The following DEPDC4 variants were observed in gnomAD, a reference collection of about 807,000 sequenced individuals.
The protein encoded by DEPDC4 is DEP domain-containing protein 4.
Under a neutral mutation model 52.0 loss-of-function variants are expected in DEPDC4, and 52 were observed. The observed-to-expected ratio is 1.00, with a 90% CI of 0.80 to 1.26. DEPDC4 has a LOEUF of 1.26. DEPDC4 is among the 50% of genes most tolerant of loss of function. The pLI, the probability that DEPDC4 is intolerant of heterozygous loss-of-function variation, is 0.00. For missense variants in DEPDC4, 530 were observed against 546.9 expected, an observed-to-expected ratio of 0.97 and a Z score of 0.31; for synonymous variants, 201 against 196.8, an observed-to-expected ratio of 1.02 and a Z score of -0.18.
chr12:100,241,876 A>T, intron 9 of DEPDC4, 31 bp from the exon 10 acceptor site: 1 of 1,185,964 alleles, frequency 8.4e-7, no homozygotes, highest in South Asian at 1.6e-5. Context: ...CAAAAGAAAA[A>T]GAAAAGTACC....
chr12:100,269,987 C>CTTT (rs548843835), upstream of DEPDC4, among the ~76,000 whole-genome samples: 1 of 143,000 alleles, frequency 7.0e-6, no homozygotes, highest in African/African-American at 2.6e-5. Flanking sequence ...AGATTTTATA[C>CTTT]TTTTTTTTTT....
At chr12:100,245,562 G>A (rs1402311167) in intron 8 of DEPDC4, among the ~76,000 whole-genome samples, 4 of 152,298 alleles carry the variant, frequency 2.6e-5, no homozygotes, top group African/African-American at 4.8e-5. Flanking sequence ...ACTGCATCCC[G>A]CCGAGTCACT....
chr12:100,267,206 C>A (rs982423364), upstream of DEPDC4: 9 of 987,774 alleles, frequency 9.1e-6, no homozygotes, highest in Admixed American at 2.7e-5. Flanking sequence ...TACTCTTCGT[C>A]CCCGGTCCCT....
At chr12:100,243,513 A>G (rs2096169306) in intron 8 of DEPDC4, among the ~76,000 whole-genome samples, 1 of 152,092 alleles carries the variant, frequency 6.6e-6, no homozygotes, top group African/African-American at 2.4e-5. Context: ...GGCACTACAC[A>G]TTTATTTACA....
chr12:100,272,043 C>G (rs2096288221), upstream of DEPDC4, among the ~76,000 whole-genome samples: 1 of 152,116 alleles, frequency 6.6e-6, no homozygotes, highest in Admixed American at 6.5e-5. Context: ...ACAACAGATT[C>G]ACATGCTGGT....
chr12:100,274,170 A>T, the DEPDC4 span, among the ~76,000 whole-genome samples: 3 of 152,230 alleles, frequency 2.0e-5, no homozygotes, highest in Non-Finnish European at 4.4e-5. Flanking sequence ...TTATATTTAC[A>T]TAAGTATAAT....
rs978163994 is a variant in DEPDC4, at chr12:100,241,188, T to G, written c.*704A>C. 2.6e-5 allele frequency among the ~76,000 whole-genome samples: 4 copies of G among 152,312 alleles called. No individual in the cohort carries two copies. Among genetic ancestry groups the G allele is most frequent in the African/African-American group, 9.6e-5 (4 of 41,562 alleles). On this transcript the variant is annotated 3_prime_UTR_variant, in exon 10 of 10. Coordinates refer to ENST00000550587, the MANE Select transcript of DEPDC4 (RefSeq NM_001364818.2). ...TATACTAAGGAAAATGCATGCTTTC[T>G]TCAGAGAGCTTGTGTATGAAAAGCT...
rs538788103 is a variant in DEPDC4, at chr12:100,245,360, G to A, written c.1454-2791C>T. On this transcript the variant is annotated intron_variant, in intron 8 of 9. Coordinates refer to ENST00000550587, the MANE Select transcript of DEPDC4 (RefSeq NM_001364818.2). Reference sequence around the variant, plus strand: ...CGGCTCAATGCAACCCCCACCTCCCGGGTTCAAGCAATTCTCATGCCTCAG... The same window carrying A: ...CGGCTCAATGCAACCCCCACCTCCCAGGTTCAAGCAATTCTCATGCCTCAG... 6.6e-5 allele frequency among the ~76,000 whole-genome samples: 10 copies of A among 152,152 alleles called. No homozygotes were observed. The South Asian group carries it at 8.3e-4, about 13-fold the overall frequency.
At chr12:100,250,716 G>A (rs2096204244) in intron 7 of DEPDC4, among the ~76,000 whole-genome samples, 1 of 151,912 alleles carries the variant, frequency 6.6e-6, no homozygotes, top group South Asian at 2.1e-4. Context: ...GGAGAGAAGT[G>A]TTCTTTCTAA....
At chr12:100,259,741 A>G (rs949820368) in intron 3 of DEPDC4, among the ~76,000 whole-genome samples, 1 of 152,182 alleles carries the variant, frequency 6.6e-6, no homozygotes, top group African/African-American at 2.4e-5. Context: ...TCATAAAGTA[A>G]CAATATAAGC....
At chr12:100,246,004 A>G (rs897417625) in intron 8 of DEPDC4, among the ~76,000 whole-genome samples, 3 of 151,824 alleles carry the variant, frequency 2.0e-5, no homozygotes, top group Non-Finnish European at 4.4e-5. Flanking sequence ...TCTGTCACCC[A>G]AACTGAGTTC....
chr12:100,260,052 A>T (rs1169321262), intron 3 of DEPDC4, among the ~76,000 whole-genome samples: 1 of 152,082 alleles, frequency 6.6e-6, no homozygotes, highest in East Asian at 1.9e-4. Flanking sequence ...ATAAATATAA[A>T]ATGCATAACA....
intron 7 of DEPDC4, among the ~76,000 whole-genome samples, chr12:100,250,295 A>C (rs904983021): frequency 6.6e-6 from 1 of 152,162 alleles, no homozygotes; most frequent in Non-Finnish European, 1.5e-5. Flanking sequence ...GGCTCACTGC[A>C]GCCTCCGCCT....
chr12:100,261,744 G>C (rs1453546225), intron 3 of DEPDC4: 1 of 456,582 alleles, frequency 2.2e-6, no homozygotes, highest in African/African-American at 2.0e-5. Flanking sequence ...CTTATCTGAT[G>C]TAATTGCTGT....
upstream of DEPDC4, chr12:100,267,712 C>T (rs940364770): frequency 6.6e-6 from 1 of 152,460 alleles, no homozygotes; most frequent in Admixed American, 6.5e-5. Context: ...GGAGAGCCCC[C>T]CATGCCGGCT....
chr12:100,267,192 C>T, upstream of DEPDC4: 1 of 1,149,152 alleles, frequency 8.7e-7, no homozygotes, highest in Non-Finnish European at 1.2e-6. Flanking sequence ...TTTTCCCCCT[C>T]CCTTACTCTT....
At chr12:100,264,951 G>A (rs977704103) in intron 1 of DEPDC4, among the ~76,000 whole-genome samples, 1 of 151,672 alleles carries the variant, frequency 6.6e-6, no homozygotes, top group African/African-American at 2.4e-5. Flanking sequence ...CACTTCTCTG[G>A]GCAAAAAGAA....
At chr12:100,250,279 G>A (rs766147315) in intron 7 of DEPDC4, among the ~76,000 whole-genome samples, 5 of 152,092 alleles carry the variant, frequency 3.3e-5, no homozygotes, top group Admixed American at 6.6e-5. Flanking sequence ...GCAGCGGTGC[G>A]ATCTTGGCTC....
intron 1 of DEPDC4, among the ~76,000 whole-genome samples, chr12:100,266,652 C>A (rs2096274817): frequency 6.6e-6 from 1 of 152,204 alleles, no homozygotes; most frequent in Non-Finnish European, 1.5e-5. Context: ...TCAGAATTTG[C>A]ACTTTCACAA....
Sources: allele counts gnomAD v4.1 joint callset (sites outside exome capture counted in the v4.1 genomes callset), GRCh38; gene constraint gnomAD v4.1.1; transcripts MANE v1.5; gene names NCBI Gene and HGNC (gene_info 2026-07-23, HGNC 2026-07-21).